Variants in NDRG4 observed in about 807,000 individuals in gnomAD.
NDRG4 encodes NDRG family member 4.
A neutral mutation model predicts 55.8 loss-of-function variants in NDRG4; 38 were observed. The ratio of observed to expected loss-of-function variants is 0.68; its 90% CI spans 0.53 to 0.89. The LOEUF (loss-of-function observed/expected upper bound fraction) is 0.89. Among genes scored for constraint, NDRG4 ranks in the 40% least tolerant of loss-of-function variants. The probability of loss-of-function intolerance (pLI) is 0.00; values close to 1 mark genes in which losing one functional copy is unlikely to be tolerated. For synonymous variants in NDRG4, 190 were observed against 182.7 expected, an observed-to-expected ratio of 1.04 and a Z score of -0.32; for missense variants, 455 against 468.6, an observed-to-expected ratio of 0.97 and a Z score of 0.27.
chr16:58,500,079 G>A, upstream of NDRG4: 1 of 1,492,166 alleles, frequency 6.7e-7, no homozygotes, highest in Non-Finnish European at 8.9e-7. Flanking sequence ...ACCCTGCGGG[G>A]AGGAGGGGCT....
chr16:58,468,756 G>C (rs927053026), intron 1 of NDRG4, among the ~76,000 whole-genome samples: 3 of 152,146 alleles, frequency 2.0e-5, no homozygotes, highest in Non-Finnish European at 4.4e-5. Flanking sequence ...ATACTTGTGA[G>C]GGAGCCCAAG....
chr16:58,504,988 A>G (rs2037664912), intron 5 of NDRG4, among the ~76,000 whole-genome samples: 1 of 152,192 alleles, frequency 6.6e-6, no homozygotes, highest in Non-Finnish European at 1.5e-5. Context: ...ACTAATTGCC[A>G]TGGTATTTCA....
rs2038396732 is a variant in NDRG4 at position 58,508,853 on chromosome 16, T to C, written c.730-109T>C. On this transcript the variant is annotated intron_variant, in intron 10 of 14. Coordinates refer to ENST00000570248, the MANE Select transcript of NDRG4 (RefSeq NM_001242835.2). ...CTGTCACAGCTGCTGGGCCTCCCTC[T>C]GCCTCCCTGCACCCCCTCTCCTCCC... 9.0e-6 allele frequency: 11 copies of C among 1,220,374 alleles called. No homozygotes were observed. In the South Asian group the frequency reaches 1.5e-4, roughly 16 times the overall value. The allele number at this position is 1,220,374 out of a possible 1,614,324, so 75.6% of individuals were successfully genotyped here.
chr16:58,475,733 C>G, intron 1 of NDRG4: 1 of 449,734 alleles, frequency 2.2e-6, no homozygotes, highest in Non-Finnish European at 4.5e-6. Context: ...AATGGCTGTT[C>G]AAGCTCCTGC....
intron 2 of NDRG4, among the ~76,000 whole-genome samples, chr16:58,493,636 G>A (rs1437061203): frequency 6.6e-6 from 1 of 152,230 alleles, no homozygotes; most frequent in Admixed American, 6.5e-5. Context: ...ACAAAGGGCA[G>A]AACGATGGGC....
chr16:58,486,139 T>C (rs1297276025), intron 1 of NDRG4, among the ~76,000 whole-genome samples: 1 of 152,134 alleles, frequency 6.6e-6, no homozygotes, highest in East Asian at 1.9e-4. Context: ...GCCAATGCCA[T>C]TGGCAAAAAA....
chr16:58,475,617 CAAAAT>C (rs2033512029), intron 1 of NDRG4: 1 of 455,988 alleles, frequency 2.2e-6, no homozygotes, highest in South Asian at 1.5e-5. Flanking sequence ...ACCAGGATCT[CAAAAT>C]AGAGGATTCC....
Position 58,504,590 on chromosome 16 carries a change from T to C in NDRG4, c.313T>C (p.Phe105Leu). The C allele has an allele frequency of 6.2e-7, 1 of 1,614,116 alleles. No individual in the cohort carries two copies. Among genetic ancestry groups the C allele is most frequent in the Non-Finnish European group, 8.5e-7 (1 of 1,179,996 alleles). ...MLPSVVQHFG[F>L]KYVIGIGVGA... ...AGTGACCAGCCTGCTCTGCACCAGG[T>C]TCAAGTATGTGATTGGCATCGGAGT... The change falls in exon 5 of 15, where the codon TTC (phenylalanine) becomes CTC (leucine). Residue 105 changes from phenylalanine (F) to leucine (L), a missense_variant and splice_region_variant. Phe to Leu is a conservative substitution (Grantham distance 22). Coordinates refer to ENST00000570248, the MANE Select transcript of NDRG4 (RefSeq NM_001242835.2).
rs183106340 is a variant in NDRG4 at position 58,511,074 on chromosome 16, T to C, written c.905-348T>C. 506 of 468,618 alleles carry C rather than the reference T, an allele frequency of 1.1e-3. 6 individuals are homozygous for C. Among genetic ancestry groups the C allele is most frequent in the South Asian group, 6.6e-3 (202 of 30,568 alleles). The allele number at this position is 468,618 out of a possible 1,614,324, so 29.0% of individuals were successfully genotyped here. ...TGAATTAGGGAATTAGGGCACAGTC[T>C]GAATTGAGGGCAGTATGCGACCACC... On this transcript the variant is annotated intron_variant, in intron 14 of 14. Transcript: ENST00000570248.
intron 14 of NDRG4, 41 bp downstream of exon 14, chr16:58,510,724 C>G (rs763742762): frequency 1.3e-6 from 2 of 1,522,196 alleles, no homozygotes; most frequent in South Asian, 2.4e-5. Flanking sequence ...GACGCCCAGC[C>G]TCCTCCTCCC....
At chr16:58,497,194 C>T (rs755755920), upstream of NDRG4, among the ~76,000 whole-genome samples, 3 of 151,992 alleles carry the variant, frequency 2.0e-5, no homozygotes, top group South Asian at 2.1e-4. Flanking sequence ...TGGTGGCAGG[C>T]GCTGGTAGTC....
Position 58,488,901 on chromosome 16 carries a change from T to C in NDRG4, c.72+1051T>C, listed in dbSNP as rs1011610835. Among the ~76,000 whole-genome samples the C allele has an allele frequency of 2.6e-5, 4 of 152,270 alleles. No individual in the cohort carries two copies. In the South Asian group the frequency reaches 8.3e-4, roughly 32 times the overall value. ...ATTTTTCAAGCCCTTTATTCTAAGTTTACTTGCTCCCTGGTCTGAGCCTCC... is the reference window on the plus strand; with the variant it reads ...ATTTTTCAAGCCCTTTATTCTAAGTCTACTTGCTCCCTGGTCTGAGCCTCC... On this transcript the variant is annotated intron_variant, in intron 2 of 15. Transcript: ENST00000258187.
chr16:58,502,010 G>T (rs913329644), intron 1 of NDRG4: 5 of 455,890 alleles, frequency 1.1e-5, no homozygotes, highest in African/African-American at 1.0e-4. Flanking sequence ...ACAGGTGGCT[G>T]TGAAAGGGCT....
At chr16:58,473,759 C>G (rs2033199782) in intron 1 of NDRG4, among the ~76,000 whole-genome samples, 1 of 152,196 alleles carries the variant, frequency 6.6e-6, no homozygotes, top group Non-Finnish European at 1.5e-5. Flanking sequence ...ACCTCAATAA[C>G]TGGTCTCCCC....
chr16:58,492,480 C>G (rs913874391), intron 2 of NDRG4, among the ~76,000 whole-genome samples: 2 of 150,654 alleles, frequency 1.3e-5, no homozygotes, highest in African/African-American at 4.9e-5. Flanking sequence ...CTGCCATTAT[C>G]TGCTCCACCG....
At chr16:58,472,478 G>A (rs986954010) in intron 1 of NDRG4, among the ~76,000 whole-genome samples, 2 of 152,308 alleles carry the variant, frequency 1.3e-5, no homozygotes, top group African/African-American at 2.4e-5. Context: ...CTCTGACCCC[G>A]CACTGGGGCC....
intron 1 of NDRG4, among the ~76,000 whole-genome samples, chr16:58,484,401 A>G (rs768326151): frequency 6.6e-5 from 10 of 152,142 alleles, no homozygotes; most frequent in South Asian, 4.1e-4. Context: ...TATTGTTTCT[A>G]TTGTACCTCA....
intron 1 of NDRG4, among the ~76,000 whole-genome samples, chr16:58,475,814 T>G (rs1046261670): frequency 6.6e-6 from 1 of 151,774 alleles, no homozygotes; most frequent in Non-Finnish European, 1.5e-5. Flanking sequence ...CTTTTTTTTT[T>G]CAGACAGAGT....
chr16:58,514,195 A>G (rs1423030762), downstream of NDRG4, among the ~76,000 whole-genome samples: 6 of 152,198 alleles, frequency 3.9e-5, no homozygotes, highest in African/African-American at 4.8e-5. Context: ...TACACATACT[A>G]AATCTTCACC....
Sources: allele counts gnomAD v4.1 joint callset (sites outside exome capture counted in the v4.1 genomes callset), GRCh38; gene constraint gnomAD v4.1.1; transcripts MANE v1.5; gene names NCBI Gene and HGNC (gene_info 2026-07-23, HGNC 2026-07-21).